NUAK1: variants seen among roughly 807,000 people sequenced by gnomAD.
The protein encoded by NUAK1 is NUAK family SNF1-like kinase 1.
NUAK1 carries 26 observed loss-of-function variants against 56.9 expected under a neutral mutation model. The observed-to-expected ratio is 0.46, with a 90% confidence interval of 0.33 to 0.63. The LOEUF (loss-of-function observed/expected upper bound fraction) is 0.63, where lower values mean the gene tolerates loss of function less well. Ranked by LOEUF, NUAK1 falls within the 30% of genes least tolerant of loss-of-function variation. The pLI is 0.02. For synonymous variants in NUAK1, 337 were observed against 336.0 expected (o/e 1.00, Z -0.03); for missense variants, 727 against 876.1 (o/e 0.83, Z 2.15).
At chr12:106,130,389 G>A (rs1011829216) in intron 1 of NUAK1, among the ~76,000 whole-genome samples, 1 of 152,226 alleles carries the variant, frequency 6.6e-6, no homozygotes, top group Admixed American at 6.5e-5. Flanking sequence ...GGCAGGACTT[G>A]TAATATCCTC....
chr12:106,094,239 A>G (rs1471020110), intron 2 of NUAK1, among the ~76,000 whole-genome samples: 1 of 152,106 alleles, frequency 6.6e-6, no homozygotes, highest in Admixed American at 6.5e-5. Context: ...CTTCCACAGC[A>G]TTGCCTCCCT....
At chr12:106,084,515 G>A (rs1465413541) in intron 3 of NUAK1, among the ~76,000 whole-genome samples, 1 of 152,228 alleles carries the variant, frequency 6.6e-6, no homozygotes, top group Non-Finnish European at 1.5e-5. Context: ...TCAGGGCTGG[G>A]TGAAAGATGA....
intron 6 of NUAK1, among the ~76,000 whole-genome samples, chr12:106,069,087 G>C (rs1325159706): frequency 1.3e-5 from 2 of 152,116 alleles, no homozygotes; most frequent in Non-Finnish European, 2.9e-5. Flanking sequence ...GAGAGATAAT[G>C]CATATCTATA....
chr12:106,108,074 A>G (rs902615319), intron 1 of NUAK1, among the ~76,000 whole-genome samples: 5 of 152,152 alleles, frequency 3.3e-5, no homozygotes, highest in Non-Finnish European at 5.9e-5. Context: ...AACGAAGGAA[A>G]GATGAAGGGA....
In NUAK1 at chr12:106,065,283, A is replaced by G. The variant is rs2032323869; in HGVS notation, c.*1519T>C. 1 of 152,146 alleles carries G rather than the reference A, an allele frequency of 6.6e-6. No homozygotes were observed. Among genetic ancestry groups the G allele is most frequent in the East Asian group, 1.9e-4 (1 of 5,196 alleles). The allele number at this position is 152,146 out of a possible 1,614,324, so 9.4% of individuals were successfully genotyped here. On this transcript the variant is annotated 3_prime_UTR_variant, in exon 7 of 7. Transcript: ENST00000261402. ...ATTGTGATCTGGGTGTTTAGAAATT[A>G]CATATCTAGTTTTTTGTTTTGTTTT...
At chr12:106,131,862 G>A (rs2033081925) in intron 1 of NUAK1, among the ~76,000 whole-genome samples, 1 of 152,162 alleles carries the variant, frequency 6.6e-6, no homozygotes, top group Admixed American at 6.5e-5. Flanking sequence ...TATCAATTCA[G>A]CCAGACTCCA....
chr12:106,068,390 G>A lies in NUAK1; in HGVS notation c.833-435C>T, dbSNP rs2032367694. Among the ~76,000 whole-genome samples the A allele has an allele frequency of 2.0e-5, 3 of 152,202 alleles. No homozygotes were observed. In the South Asian group the frequency reaches 6.2e-4, roughly 31 times the overall value. ...GCTTTCTTTATTCCTCCAAAGGTGG[G>A]CTTGTATAAACACACAGCACCTGCA... On this transcript the variant is annotated intron_variant, in intron 6 of 6. Coordinates refer to ENST00000261402, the MANE Select transcript of NUAK1 (RefSeq NM_014840.3).
intron 1 of NUAK1, among the ~76,000 whole-genome samples, chr12:106,128,886 T>G (rs1259778341): frequency 6.6e-6 from 1 of 152,190 alleles, no homozygotes; most frequent in Non-Finnish European, 1.5e-5. Context: ...CATGATGGTG[T>G]TTTTTCAAGA....
intron 5 of NUAK1, 96 bp downstream of exon 5, chr12:106,072,628 T>A: frequency 7.3e-7 from 1 of 1,368,724 alleles, no homozygotes; most frequent in South Asian, 1.4e-5. Context: ...TTTTTTAGGC[T>A]CTGTTTTTTT....
intron 4 of NUAK1, among the ~76,000 whole-genome samples, chr12:106,079,359 C>A (rs2032493143): frequency 6.6e-6 from 1 of 152,188 alleles, no homozygotes; most frequent in Admixed American, 6.5e-5. Flanking sequence ...CCAATTCAAT[C>A]CCTCTTCCTC....
In NUAK1 at chr12:106,067,337, C is replaced by A. The variant is rs111758972; in HGVS notation, c.1451G>T (p.Arg484Leu). 6.2e-6 allele frequency: 10 copies of A among 1,614,182 alleles called. No homozygotes were observed. The highest frequency in any genetic ancestry group is 8.5e-6 in the Non-Finnish European group (10 of 1,180,030). ...GTCCAACAGCTCCGAAGACTCACTG[C>A]GCTCTGGGGAAGAGTAGTAACCTGA... ...RESGYYSSPE[R>L]SESSELLDSN... The change falls in exon 7 of 7, where the codon CGC (arginine) becomes CTC (leucine). Residue 484 changes from arginine to leucine, a missense_variant. Coordinates refer to ENST00000261402, the MANE Select transcript of NUAK1 (RefSeq NM_014840.3). This position sits in a 1 kb window ranked among gnomAD's most constrained non-coding sequence, Gnocchi z 6.0.
chr12:106,072,388 A>G (rs1217961875), intron 5 of NUAK1, among the ~76,000 whole-genome samples: 1 of 152,254 alleles, frequency 6.6e-6, no homozygotes, highest in Non-Finnish European at 1.5e-5. Context: ...TGTCACATAC[A>G]TATGTATATC....
chr12:106,102,172 C>T (rs1295913078), intron 2 of NUAK1, among the ~76,000 whole-genome samples: 1 of 152,102 alleles, frequency 6.6e-6, no homozygotes, highest in Non-Finnish European at 1.5e-5. Context: ...AAAACAACAC[C>T]TTTTATTTGC....
chr12:106,123,588 T>TATCAA (rs1385432846), intron 1 of NUAK1, among the ~76,000 whole-genome samples: 1 of 152,236 alleles, frequency 6.6e-6, no homozygotes, highest in Non-Finnish European at 1.5e-5. Context: ...CCATGTGCTA[T>TATCAA]ATCAAATGCC....
intron 6 of NUAK1, among the ~76,000 whole-genome samples, chr12:106,069,723 T>C (rs563686631): frequency 7.0e-4 from 107 of 152,350 alleles, no homozygotes; most frequent in Non-Finnish European, 1.2e-3. Flanking sequence ...AATTCAGTGT[T>C]TGTAGCAACT....
chr12:106,119,678 C>T (rs944504131), intron 1 of NUAK1, among the ~76,000 whole-genome samples: 1 of 152,094 alleles, frequency 6.6e-6, no homozygotes, highest in Non-Finnish European at 1.5e-5. Context: ...TGAGCATGCA[C>T]TATTTTCGCT....
intron 1 of NUAK1, among the ~76,000 whole-genome samples, chr12:106,115,016 C>G (rs182075620): frequency 6.6e-6 from 1 of 152,334 alleles, no homozygotes; most frequent in Non-Finnish European, 1.5e-5. Context: ...TTTCTGAAGA[C>G]TGATTTAATA....
At chr12:106,083,525 A>C (rs925596657) in intron 4 of NUAK1, among the ~76,000 whole-genome samples, 1 of 152,212 alleles carries the variant, frequency 6.6e-6, no homozygotes, top group African/African-American at 2.4e-5. Flanking sequence ...GCAGGCAAAA[A>C]TATAAAATAC....
intron 2 of NUAK1, among the ~76,000 whole-genome samples, chr12:106,101,316 T>C (rs1291325211): frequency 1.6e-4 from 25 of 152,230 alleles, no homozygotes. Flanking sequence ...GGTCACCACG[T>C]AGCCATGACC....
Sources: allele counts gnomAD v4.1 joint callset (sites outside exome capture counted in the v4.1 genomes callset), GRCh38; gene constraint gnomAD v4.1.1; non-coding constraint Gnocchi (gnomAD v3.1); transcripts MANE v1.5; gene names NCBI Gene and HGNC (gene_info 2026-07-23, HGNC 2026-07-21).